Variants in BLTP1 observed in about 807,000 individuals in gnomAD.
BLTP1 encodes bridge-like lipid transfer protein family member 1, also known as fragile site-associated protein.
chr4:122,236,772 TATA>T, the BLTP1 span: 2 of 969,600 alleles, frequency 2.1e-6, no homozygotes, highest in Non-Finnish European at 2.5e-6. Flanking sequence ...GTAAAATTCT[TATA>T]ATGTGTAATA....
the BLTP1 span, among the ~76,000 whole-genome samples, chr4:122,268,785 A>C: frequency 1.3e-5 from 2 of 152,182 alleles, no homozygotes; most frequent in Non-Finnish European, 1.5e-5. Flanking sequence ...AAGTAACTAC[A>C]TATTGTGCTT....
At chr4:122,265,061 G>A in the BLTP1 span, among the ~76,000 whole-genome samples, 6 of 152,090 alleles carry the variant, frequency 3.9e-5, no homozygotes, top group South Asian at 2.1e-4. Context: ...AGAGTGGGAC[G>A]TGGGTGAGAG....
chr4:122,209,138 C>CGG, the BLTP1 span: 8 of 1,588,728 alleles, frequency 5.0e-6, no homozygotes, highest in Non-Finnish European at 6.8e-6. Flanking sequence ...ATTACTTTGG[C>CGG]TTATTATAAT....
the BLTP1 span, among the ~76,000 whole-genome samples, chr4:122,329,938 G>A: frequency 6.6e-6 from 1 of 151,560 alleles, no homozygotes; most frequent in East Asian, 1.9e-4. Context: ...TCTATGAGTT[G>A]GACAATTTTA....
At chr4:122,337,762 T>C in the BLTP1 span, among the ~76,000 whole-genome samples, 1 of 151,234 alleles carries the variant, frequency 6.6e-6, no homozygotes, top group Non-Finnish European at 1.5e-5. Flanking sequence ...AAGTGTTACC[T>C]AGTTTTTATT....
the BLTP1 span, chr4:122,247,850 C>T: frequency 2.0e-6 from 2 of 980,266 alleles, no homozygotes; most frequent in South Asian, 4.7e-5. Context: ...TGTTATACAT[C>T]ATTTTAATAT....
chr4:122,238,102 T>G, the BLTP1 span: 3 of 1,613,952 alleles, frequency 1.9e-6, no homozygotes, highest in Non-Finnish European at 2.5e-6. Flanking sequence ...GTAATGTGAA[T>G]GGCATGAAGA....
the BLTP1 span, chr4:122,344,588 A>C: frequency 5.4e-6 from 8 of 1,486,388 alleles, no homozygotes; most frequent in Non-Finnish European, 7.5e-6. Context: ...TTTTTAAATT[A>C]AAATACTGTT....
chr4:122,258,821 G>A, the BLTP1 span: 2 of 1,611,534 alleles, frequency 1.2e-6, no homozygotes, highest in East Asian at 2.2e-5. Flanking sequence ...CATACCCATA[G>A]TGACTCTGCA....
At chr4:122,246,436 AT>A in the BLTP1 span, 1 of 1,048,288 alleles carries the variant, frequency 9.5e-7, no homozygotes, top group Non-Finnish European at 1.3e-6. Flanking sequence ...CTATGATCTA[AT>A]GTAGATCTAA....
At chr4:122,299,298 CAGTA>C in the BLTP1 span, among the ~76,000 whole-genome samples, 1 of 152,022 alleles carries the variant, frequency 6.6e-6, no homozygotes, top group African/African-American at 2.4e-5. Context: ...TATATGCACT[CAGTA>C]AGCAAATATT....
At chr4:122,198,381 G>A in the BLTP1 span, 1 of 985,284 alleles carries the variant, frequency 1.0e-6, no homozygotes, top group Non-Finnish European at 1.2e-6. Context: ...TTTTAGAAAA[G>A]CCATACATCT....
the BLTP1 span, chr4:122,204,472 G>C: frequency 1.1e-6 from 1 of 908,590 alleles, no homozygotes; most frequent in Non-Finnish European, 1.3e-6. Context: ...GGAACTTGAG[G>C]CATAGAAACA....
At chr4:122,359,213 T>C in the BLTP1 span, 3 of 483,874 alleles carry the variant, frequency 6.2e-6, no homozygotes, top group East Asian at 4.6e-4. Flanking sequence ...ATTGTGCACA[T>C]GTACCCTAAA....
chr4:122,153,413 ATATAAT>A, the BLTP1 span, among the ~76,000 whole-genome samples: 1 of 152,200 alleles, frequency 6.6e-6, no homozygotes, highest in Admixed American at 6.5e-5. Flanking sequence ...TGAGTGGTAC[ATATAAT>A]TATGTGCATA....
the BLTP1 span, among the ~76,000 whole-genome samples, chr4:122,158,055 A>G: frequency 6.6e-6 from 1 of 152,186 alleles, no homozygotes. Flanking sequence ...TAAATGCTAC[A>G]TAGGAAAAAA....
the BLTP1 span, chr4:122,353,692 ATTC>A: frequency 1.4e-5 from 16 of 1,180,624 alleles, no homozygotes; most frequent in Non-Finnish European, 1.6e-5. The surrounding 1 kb of genome is among the most constrained non-coding windows in gnomAD (Gnocchi z 4.3). Context: ...ATCCTCATTT[ATTC>A]TTCATTTTTA....
chr4:122,298,907 GA>G, the BLTP1 span: 4 of 985,310 alleles, frequency 4.1e-6, no homozygotes, highest in Non-Finnish European at 4.8e-6. Context: ...GGAGTATGAG[GA>G]AAATTATAAA....
At chr4:122,300,298 C>T in the BLTP1 span, among the ~76,000 whole-genome samples, 11 of 152,160 alleles carry the variant, frequency 7.2e-5, no homozygotes, top group African/African-American at 2.4e-5. Context: ...CATGAGCCAC[C>T]GTGCCTGGCC....
Sources: gnomAD v4.1 joint callset for allele counts (sites outside exome capture counted in the v4.1 genomes callset) on GRCh38, gnomAD v4.1.1 for gene constraint, Gnocchi (gnomAD v3.1) non-coding constraint, MANE v1.5 for transcripts, NCBI Gene and HGNC (gene_info 2026-07-23, HGNC 2026-07-21) for gene names.